CRTAC1: variants seen among roughly 807,000 people sequenced by gnomAD.
The protein encoded by CRTAC1 is acidic secreted protein in cartilage.
In CRTAC1, 37 loss-of-function variants were observed where a neutral mutation model predicts 67.8. That is an observed-to-expected ratio of 0.55 (90% CI 0.42 to 0.72). CRTAC1 has a LOEUF of 0.72. Among genes scored for constraint, CRTAC1 ranks in the 30% least tolerant of loss-of-function variants. CRTAC1 has a pLI of 0.00. For missense variants in CRTAC1, 780 were observed against 931.6 expected, an observed-to-expected ratio of 0.84 and a Z score of 2.12; for synonymous variants, 348 against 371.0, an observed-to-expected ratio of 0.94 and a Z score of 0.71.
chr10:97,990,075 G>A (rs1015860456), intron 2 of CRTAC1, among the ~76,000 whole-genome samples: 1 of 152,140 alleles, frequency 6.6e-6, no homozygotes, highest in Non-Finnish European at 1.5e-5. Flanking sequence ...CAGGTGTGAC[G>A]ATACCTTTTA....
intron 1 of CRTAC1, among the ~76,000 whole-genome samples, chr10:98,025,203 A>G (rs1490384536): frequency 6.6e-6 from 1 of 152,040 alleles, no homozygotes; most frequent in Admixed American, 6.5e-5. Flanking sequence ...CTGTGCTGCA[A>G]TGCTCCAGTC....
chr10:98,030,424 G>T lies in CRTAC1; in HGVS notation c.24+25C>A. ...GGAGAAACTTTCTCCGCCTTAGGGT[G>T]GGGGGCACCGGTGCAGATACTCACG... On this transcript the variant is annotated intron_variant, in intron 1 of 14. Transcript: ENST00000370597. The surrounding 1 kb of genome is among the most constrained non-coding windows in gnomAD (Gnocchi z 4.2). 8.0e-7 allele frequency: 1 copy of T among 1,242,580 alleles called. No individual in the cohort carries two copies. Among genetic ancestry groups the T allele is most frequent in the Non-Finnish European group, 1.0e-6 (1 of 982,384 alleles). The allele number at this position is 1,242,580 out of a possible 1,614,324, so 77.0% of individuals were successfully genotyped here.
At chr10:98,013,077 C>T (rs1431403042) in intron 1 of CRTAC1, among the ~76,000 whole-genome samples, 2 of 152,072 alleles carry the variant, frequency 1.3e-5, no homozygotes, top group Non-Finnish European at 2.9e-5. Context: ...TAACCAGTGT[C>T]GACATGCCGA....
chr10:97,949,962 T>C (rs1234858684), intron 2 of CRTAC1, among the ~76,000 whole-genome samples: 1 of 152,184 alleles, frequency 6.6e-6, no homozygotes, highest in East Asian at 1.9e-4. Flanking sequence ...GTCTGACACA[T>C]AATGGGAGCT....
chr10:98,001,886 G>A (rs1842695349), intron 2 of CRTAC1, among the ~76,000 whole-genome samples: 1 of 152,256 alleles, frequency 6.6e-6, no homozygotes, highest in Non-Finnish European at 1.5e-5. Flanking sequence ...GACTGGAGAA[G>A]AGAAGGGATG....
At chr10:97,942,014 T>C (rs1416426769) in intron 2 of CRTAC1, among the ~76,000 whole-genome samples, 1 of 152,164 alleles carries the variant, frequency 6.6e-6, no homozygotes, top group Admixed American at 6.5e-5. Context: ...TCTTGCAGAA[T>C]TGCTCCCACC....
intron 2 of CRTAC1, among the ~76,000 whole-genome samples, chr10:98,004,175 C>A (rs150183434): frequency 1.3e-5 from 2 of 152,156 alleles, no homozygotes; most frequent in East Asian, 3.8e-4. Flanking sequence ...TCCATGATAC[C>A]AACAACAATG....
chr10:97,967,002 C>A (rs1026834199), intron 2 of CRTAC1, among the ~76,000 whole-genome samples: 24 of 150,468 alleles, frequency 1.6e-4, no homozygotes, highest in South Asian at 4.4e-4. Context: ...CACCCCCCCC[C>A]CCCCGACATC....
At chr10:97,876,460 T>C (rs2050148417) in intron 14 of CRTAC1, among the ~76,000 whole-genome samples, 1 of 152,042 alleles carries the variant, frequency 6.6e-6, no homozygotes, top group South Asian at 2.1e-4. Context: ...ATAAAAATGG[T>C]ATTATTCTTA....
In CRTAC1 at chr10:97,895,176, G is replaced by T. The variant is rs769370672; in HGVS notation, c.1486+69C>A. The T allele has an allele frequency of 9.3e-6, 14 of 1,501,844 alleles. No individual in the cohort carries two copies. Among genetic ancestry groups the T allele is most frequent in the Non-Finnish European group, 9.1e-6 (10 of 1,101,198 alleles). The allele number at this position is 1,501,844 out of a possible 1,614,324, so 93.0% of individuals were successfully genotyped here. ...GCGGAGCGGTGCCCAAGGATGCTCG[G>T]GCTGTGAGTCCCTGAATCAGTCAGC... On this transcript the variant is annotated intron_variant, in intron 11 of 14. Transcript: ENST00000370597. This position sits in a 1 kb window ranked among gnomAD's most constrained non-coding sequence, Gnocchi z 4.2.
chr10:97,877,094 G>C (rs540591502), intron 14 of CRTAC1, among the ~76,000 whole-genome samples: 3 of 152,050 alleles, frequency 2.0e-5, no homozygotes, highest in Admixed American at 2.0e-4. Flanking sequence ...TCATTAGAGG[G>C]TCTCTATCAC....
At chr10:97,880,184 C>A (rs1456873505) in intron 14 of CRTAC1, 65 bp downstream of exon 14, 3 of 1,575,924 alleles carry the variant, frequency 1.9e-6, no homozygotes, top group Non-Finnish European at 2.6e-6. Flanking sequence ...CTGGGGCCTA[C>A]CCAGAGCTCC....
intron 5 of CRTAC1, among the ~76,000 whole-genome samples, chr10:97,909,621 C>T (rs980385223): frequency 6.6e-6 from 1 of 152,020 alleles, no homozygotes; most frequent in Admixed American, 6.6e-5. Flanking sequence ...TAAATGAGTA[C>T]AGACATTATA....
chr10:97,888,211 CA>C, intron 11 of CRTAC1, among the ~76,000 whole-genome samples: 1 of 152,308 alleles, frequency 6.6e-6, no homozygotes, highest in Non-Finnish European at 1.5e-5. Flanking sequence ...TCATGATTCC[CA>C]TGGGAGCGAT....
chr10:97,881,240 C>T (rs972227287), intron 13 of CRTAC1, among the ~76,000 whole-genome samples: 1 of 152,224 alleles, frequency 6.6e-6, no homozygotes, highest in Admixed American at 6.5e-5. Flanking sequence ...CCATCATCTC[C>T]AGGCCATACT....
At chr10:97,910,908 T>A (rs1468014252) in intron 5 of CRTAC1, among the ~76,000 whole-genome samples, 3 of 152,302 alleles carry the variant, frequency 2.0e-5, no homozygotes, top group East Asian at 1.9e-4. Flanking sequence ...CCAAGCCGCA[T>A]GAAAATGAAG....
intron 2 of CRTAC1, among the ~76,000 whole-genome samples, chr10:97,957,256 C>G (rs562880444): frequency 6.6e-6 from 1 of 152,118 alleles, no homozygotes; most frequent in East Asian, 1.9e-4. Context: ...TGAAGAGGGA[C>G]AGGTAACAGA....
rs1472974531 is a variant in CRTAC1, at chr10:97,995,377, C to T, written c.224+15761G>A. On this transcript the variant is annotated intron_variant, in intron 2 of 14. Transcript: ENST00000370597. Reference sequence around the variant, plus strand: ...ATGCTGTAGAACTCTTTCTATTTTGCAAGAAGAGAGTTCGAGCATCTCTGA... The same window carrying T: ...ATGCTGTAGAACTCTTTCTATTTTGTAAGAAGAGAGTTCGAGCATCTCTGA... Among the ~76,000 whole-genome samples the T allele has an allele frequency of 3.3e-5, 5 of 152,264 alleles. No homozygotes were observed. In the East Asian group the frequency reaches 9.7e-4, roughly 29 times the overall value.
chr10:97,952,385 A>T lies in CRTAC1; in HGVS notation c.225-16019T>A, dbSNP rs184491544. ...ATAAATAAATAAATAAATAAATAAA[A>T]AAATTAGTGAGGCGAGTTGGTGGGC... On this transcript the variant is annotated intron_variant, in intron 2 of 14. Transcript: ENST00000370597. Among the ~76,000 whole-genome samples the T allele has an allele frequency of 6.3e-3, 948 of 150,934 alleles. 4 individuals carry two copies. The highest frequency in any genetic ancestry group is 0.01 in the African/African-American group (425 of 40,964).
Sources: allele counts gnomAD v4.1 joint callset (sites outside exome capture counted in the v4.1 genomes callset), GRCh38; gene constraint gnomAD v4.1.1; non-coding constraint Gnocchi (gnomAD v3.1); transcripts MANE v1.5; gene names NCBI Gene and HGNC (gene_info 2026-07-23, HGNC 2026-07-21).